PCBD2: variants seen among roughly 807,000 people sequenced by gnomAD.
PCBD2 encodes pterin-4 alpha-carbinolamine dehydratase 2.
A neutral mutation model predicts 16.4 loss-of-function variants in PCBD2; 12 were observed. The observed-to-expected ratio is 0.73, with a 90% CI of 0.47 to 1.19. The LOEUF (loss-of-function observed/expected upper bound fraction) is 1.19, where lower values mean the gene tolerates loss of function less well. Ranked by LOEUF, PCBD2 falls within the 50% of genes most tolerant of loss-of-function variation. The pLI is 0.00. For synonymous variants in PCBD2, 58 were observed against 61.8 expected, an observed-to-expected ratio of 0.94 and a Z score of 0.29; for missense variants, 138 against 156.8, an observed-to-expected ratio of 0.88 and a Z score of 0.64.
At chr5:134,955,750 G>C (rs1391846604) in intron 2 of PCBD2, among the ~76,000 whole-genome samples, 3 of 152,130 alleles carry the variant, frequency 2.0e-5, no homozygotes, top group Non-Finnish European at 2.9e-5. Flanking sequence ...GTTGTTAGTG[G>C]TGTCTATTCT....
Position 134,959,093 on chromosome 5 carries a change from C to A in PCBD2, c.270C>A (p.His90Gln), listed in dbSNP as rs767275312. 6.2e-7 allele frequency: 1 copy of A among 1,613,732 alleles called. No individual in the cohort carries two copies. Among genetic ancestry groups the A allele is most frequent in the Non-Finnish European group, 8.5e-7 (1 of 1,179,796 alleles). ...TACAAGCAGAGAAGATGAATCATCA[C>A]CCAGAATGGTTCAATGTATACAACA... ...VALQAEKMNH[H>Q]PEWFNVYNKV... Residue 90 changes from histidine to glutamine, a missense_variant, in exon 3 of 4, where the codon CAC (histidine) becomes CAA (glutamine). Physicochemically the swap from His to Gln is conservative, Grantham distance 24 (BLOSUM62 0). Transcript: ENST00000254908.
chr5:134,923,705 A>G (rs75870136), intron 2 of PCBD2: 14 of 386,346 alleles, frequency 3.6e-5, no homozygotes, highest in African/African-American at 2.9e-4. Context: ...GGATGATGCC[A>G]ATGTTTCAGG....
At chr5:134,941,759 T>C (rs1035699120) in intron 2 of PCBD2, among the ~76,000 whole-genome samples, 2 of 152,128 alleles carry the variant, frequency 1.3e-5, no homozygotes, top group Non-Finnish European at 2.9e-5. Flanking sequence ...GGAAAAAAAC[T>C]ACGTAATAAT....
rs377555081 is a variant in PCBD2 at position 134,950,280 on chromosome 5, T to C, written c.217-8760T>C. ...GTGCTCATTTTCTTAGTGGGAGATA[T>C]GTTCTTTTTTAGTGCATAATTAAAA... On this transcript the variant is annotated intron_variant, in intron 2 of 3. Coordinates refer to ENST00000254908, the MANE Select transcript of PCBD2 (RefSeq NM_032151.5). Among the ~76,000 whole-genome samples the C allele has an allele frequency of 6.6e-5, 10 of 152,328 alleles. No homozygotes were observed. The East Asian group carries it at 1.5e-3, about 23-fold the overall frequency.
intron 2 of PCBD2, among the ~76,000 whole-genome samples, chr5:134,930,647 A>G (rs1410005964): frequency 6.6e-6 from 1 of 152,186 alleles, no homozygotes; most frequent in African/African-American, 2.4e-5. Context: ...GTTGTCTCCA[A>G]CCATGAGAGA....
chr5:134,953,100 G>A (rs942144033), intron 2 of PCBD2, among the ~76,000 whole-genome samples: 3 of 151,448 alleles, frequency 2.0e-5, no homozygotes, highest in Admixed American at 6.6e-5. Context: ...GTGATCCAGC[G>A]TGAAAGTTTT....
intron 2 of PCBD2, among the ~76,000 whole-genome samples, chr5:134,958,042 T>C (rs1751434376): frequency 1.3e-5 from 2 of 152,202 alleles, no homozygotes; most frequent in African/African-American, 4.8e-5. Flanking sequence ...TAACATCATA[T>C]TGGTTTTTCT....
chr5:134,929,185 T>A (rs1301849357), intron 2 of PCBD2, among the ~76,000 whole-genome samples: 1 of 151,596 alleles, frequency 6.6e-6, no homozygotes, highest in African/African-American at 2.4e-5. Context: ...ACAAGAAAGA[T>A]TTGTTAGATA....
intron 2 of PCBD2, chr5:134,927,600 C>T: frequency 2.5e-6 from 1 of 396,210 alleles, no homozygotes; most frequent in Non-Finnish European, 4.4e-6. Flanking sequence ...GAAGTATGTA[C>T]CTGCGTTCAG....
intron 2 of PCBD2, among the ~76,000 whole-genome samples, chr5:134,920,690 C>G (rs971423469): frequency 6.6e-6 from 1 of 151,234 alleles, no homozygotes; most frequent in Non-Finnish European, 1.5e-5. Flanking sequence ...GAGTCTCGCT[C>G]TGTCGGCTAG....
chr5:134,948,866 G>C (rs1033007443), intron 2 of PCBD2, among the ~76,000 whole-genome samples: 1 of 152,100 alleles, frequency 6.6e-6, no homozygotes, highest in African/African-American at 2.4e-5. Context: ...GAGCTAAGGG[G>C]GACTCATTTC....
At chr5:134,913,120 A>T (rs938875436) in intron 2 of PCBD2, among the ~76,000 whole-genome samples, 2 of 152,232 alleles carry the variant, frequency 1.3e-5, no homozygotes, top group Non-Finnish European at 2.9e-5. Context: ...ATCATGAAAT[A>T]TTTATTAATT....
chr5:134,951,086 TGGTACGAATTCAAAA>T (rs1176194878), intron 2 of PCBD2, among the ~76,000 whole-genome samples: 1 of 152,212 alleles, frequency 6.6e-6, no homozygotes, highest in Non-Finnish European at 1.5e-5. Flanking sequence ...GGTATACACA[TGGTACGAATTCAAAA>T]GGTACCAAAG....
chr5:134,928,625 G>A, intron 2 of PCBD2: 1 of 182,986 alleles, frequency 5.5e-6, no homozygotes, highest in Non-Finnish European at 1.1e-5. Context: ...ACGAGATCAG[G>A]AGATTGAGAC....
At chr5:134,941,991 G>A (rs545380895) in intron 2 of PCBD2, among the ~76,000 whole-genome samples, 92 of 150,972 alleles carry the variant, frequency 6.1e-4, no homozygotes, top group Admixed American at 2.2e-3. Context: ...TTAGCCGGGC[G>A]TGGTGGCGGG....
chr5:134,905,391 C>T, intron 1 of PCBD2, 168 bp downstream of exon 1: 3 of 500,482 alleles, frequency 6.0e-6, no homozygotes, highest in Non-Finnish European at 9.2e-6. Context: ...CTGTCCGGTG[C>T]GCCGCTCAGA....
chr5:134,929,550 C>T (rs1442268224), intron 2 of PCBD2, among the ~76,000 whole-genome samples: 1 of 152,088 alleles, frequency 6.6e-6, no homozygotes, highest in African/African-American at 2.4e-5. Context: ...GGGCACAGGA[C>T]AGCCTGGAGA....
At chr5:134,913,796 A>C (rs1750796994) in intron 2 of PCBD2, among the ~76,000 whole-genome samples, 1 of 152,096 alleles carries the variant, frequency 6.6e-6, no homozygotes, top group South Asian at 2.1e-4. Flanking sequence ...ACATATTTTG[A>C]AAGTAGAATA....
intron 2 of PCBD2, among the ~76,000 whole-genome samples, chr5:134,942,582 A>G (rs1381470432): frequency 1.3e-5 from 2 of 152,222 alleles, no homozygotes; most frequent in Non-Finnish European, 2.9e-5. Context: ...CTACTTGATC[A>G]GAAAAGAGGC....
Sources: allele counts gnomAD v4.1 joint callset (sites outside exome capture counted in the v4.1 genomes callset), GRCh38; gene constraint gnomAD v4.1.1; transcripts MANE v1.5; gene names NCBI Gene and HGNC (gene_info 2026-07-23, HGNC 2026-07-21).